Variants in BRWD3 observed in about 807,000 individuals in gnomAD.
BRWD3 encodes the protein bromodomain and WD repeat-containing protein 3.
In BRWD3, 10 loss-of-function variants were observed where a neutral mutation model predicts 149.7. The observed-to-expected ratio is 0.07, with a 90% confidence interval of 0.04 to 0.11. The LOEUF (loss-of-function observed/expected upper bound fraction) is 0.11. Ranked by LOEUF, BRWD3 falls within the 10% of genes least tolerant of loss-of-function variation. The probability of loss-of-function intolerance (pLI) is 1.00; values close to 1 mark genes in which losing one functional copy is unlikely to be tolerated. For synonymous variants in BRWD3, 504 were observed against 456.7 expected, an observed-to-expected ratio of 1.10 and a Z score of -1.32; for missense variants, 940 against 1,373.2, an observed-to-expected ratio of 0.68 and a Z score of 4.99.
At chrX:80,772,125 C>T (rs180992230) in intron 6 of BRWD3, among the ~76,000 whole-genome samples, 21 of 111,801 alleles carry the variant, frequency 1.9e-4, no homozygotes, top group African/African-American at 4.9e-4. Flanking sequence ...TGGGTATATA[C>T]GCAAAGGATT....
intron 36 of BRWD3, 30 bp from the exon 37 acceptor site, chrX:80,684,192 G>A: frequency 3.5e-6 from 4 of 1,149,235 alleles, no homozygotes; most frequent in Non-Finnish European, 4.8e-6. Context: ...ATTAAATACT[G>A]TATAGCAATA....
In BRWD3 at chrX:80,761,691, A is replaced by G. The variant is rs925820659; in HGVS notation, c.431-15962T>C. On this transcript the variant is annotated intron_variant, in intron 6 of 40. Coordinates refer to ENST00000373275, the MANE Select transcript of BRWD3 (RefSeq NM_153252.5). ...TAAGGTTTAATATTTTACATATTTA[A>G]TTAGAATAAATTTGAATTAGATTTC... Among the ~76,000 whole-genome samples the G allele has an allele frequency of 4.5e-5, 5 of 111,950 alleles. No individual in the cohort carries two copies. The East Asian group carries it at 1.4e-3, about 31-fold the overall frequency.
chrX:80,703,780 C>T (rs185034080), intron 23 of BRWD3, among the ~76,000 whole-genome samples, 187 bp from the exon 24 acceptor site: 154 of 111,566 alleles, frequency 1.4e-3, no homozygotes, highest in Non-Finnish European at 2.5e-3. Flanking sequence ...AATAAAAAAT[C>T]ACTTTACTAA....
chrX:80,767,961 A>C (rs2073886000), intron 6 of BRWD3, among the ~76,000 whole-genome samples: 1 of 111,965 alleles, frequency 8.9e-6, no homozygotes, highest in South Asian at 3.8e-4. Flanking sequence ...GATTCGATCA[A>C]TTGGAAGGAA....
intron 4 of BRWD3, 78 bp downstream of exon 4, chrX:80,808,461 G>A: frequency 3.7e-6 from 3 of 805,948 alleles, no homozygotes; most frequent in Non-Finnish European, 5.6e-6. Context: ...GCTGAGAGGT[G>A]GGGGGCGGGT....
At chrX:80,734,544 C>T (rs943061719) in intron 10 of BRWD3, among the ~76,000 whole-genome samples, 6 of 111,095 alleles carry the variant, frequency 5.4e-5, no homozygotes, top group Non-Finnish European at 1.1e-4. Flanking sequence ...ATTCTCTTTA[C>T]TGTGGTTATA....
At chrX:80,720,011 C>G (rs1337096881) in intron 17 of BRWD3, among the ~76,000 whole-genome samples, 1 of 111,759 alleles carries the variant, frequency 8.9e-6, no homozygotes, top group Non-Finnish European at 1.9e-5. Context: ...ATAGCCTTCA[C>G]AGTGCAATGC....
rs745346681 is a variant in BRWD3, at chrX:80,674,137, GACTA to G, written c.*2468_*2471del. 1.6e-4 allele frequency: 18 copies of G among 111,501 alleles called. No homozygotes were observed. The East Asian group carries it at 1.7e-3, about 10-fold the overall frequency. The allele number at this position is 111,501 out of a possible 1,213,427, so 9.2% of individuals were successfully genotyped here. A position where few individuals can be genotyped will look rare whatever the true frequency, so the allele number is the denominator to read the frequency against. ...CTATGTTTATCTAACATACCCTGAT[GACTA>G]ACTCTTTAAATCTTAATAACTGAAA... On this transcript the variant is annotated 3_prime_UTR_variant, in exon 41 of 41. Transcript: ENST00000373275.
chrX:80,751,551 A>AT (rs925298988), intron 6 of BRWD3, among the ~76,000 whole-genome samples: 4 of 112,007 alleles, frequency 3.6e-5, no homozygotes, highest in Non-Finnish European at 5.6e-5. Flanking sequence ...AGCAAAATAC[A>AT]TTTTTTTAAA....
Position 80,682,091 on chromosome X carries a change from T to A in BRWD3, c.4401A>T (p.Pro1467=). ...SSLSSSGAPS[P]KGKQKQMKLQ... ...ACTTCATTTGTTTCTGCTTCCCTTT[T>A]GGACTAGAAGTAAAAATATGTAACA... is the stretch of plus-strand genomic sequence containing the variant. Residue 1467 remains proline, a synonymous_variant, in exon 39 of 41, where the codon CCA becomes CCT. Transcript: ENST00000373275. 8.3e-7 allele frequency: 1 copy of A among 1,201,019 alleles called. No homozygotes were observed. Among genetic ancestry groups the A allele is most frequent in the East Asian group, 3.0e-5 (1 of 33,698 alleles).
Position 80,682,080 on chromosome X carries a change from T to C in BRWD3, c.4412A>G (p.Gln1471Arg), listed in dbSNP as rs1030940781. 1 of 1,205,459 alleles carries C rather than the reference T, an allele frequency of 8.3e-7. No homozygotes were observed. The highest frequency in any genetic ancestry group is 3.0e-5 in the East Asian group (1 of 33,651). ...TTTAGGCTGCAACTTCATTTGTTTC[T>C]GCTTCCCTTTTGGACTAGAAGTAAA... ...SSGAPSPKGK[Q>R]KQMKLQPKND... is the part of the protein sequence containing the mutation. The change falls in exon 39 of 41, where the codon CAG becomes CGG. Residue 1471 changes from glutamine (Q) to arginine (R), a missense_variant. Transcript: ENST00000373275.
At chrX:80,734,010 C>T in intron 11 of BRWD3, 108 bp downstream of exon 11, 2 of 591,743 alleles carry the variant, frequency 3.4e-6, no homozygotes, top group Non-Finnish European at 5.8e-6. Flanking sequence ...AAGTGTAAGC[C>T]AAAATTTGTG....
intron 6 of BRWD3, among the ~76,000 whole-genome samples, chrX:80,748,233 T>G (rs1413667638): frequency 9.0e-6 from 1 of 111,350 alleles, no homozygotes; most frequent in Non-Finnish European, 1.9e-5. Flanking sequence ...TCTATTGAAA[T>G]GATCACACAG....
Position 80,671,718 on chromosome X carries a change from T to C in BRWD3, c.*4891A>G, listed in dbSNP as rs2072324590. 1 of 112,095 alleles carries C rather than the reference T, an allele frequency of 8.9e-6. No individual in the cohort carries two copies. Among genetic ancestry groups the C allele is most frequent in the Non-Finnish European group, 1.9e-5 (1 of 53,205 alleles). 9.2% of individuals were successfully genotyped at this position (112,095 alleles called of 1,213,427 possible). On this transcript the variant is annotated 3_prime_UTR_variant, in exon 41 of 41. Coordinates refer to ENST00000373275, the MANE Select transcript of BRWD3 (RefSeq NM_153252.5). ...TTACCTTTTTTACTGAATTTTAGTT[T>C]AACGGACATTTTGCCCATATACAAT...
At chrX:80,755,990 T>C (rs1208295961) in intron 6 of BRWD3, among the ~76,000 whole-genome samples, 2 of 111,998 alleles carry the variant, frequency 1.8e-5, no homozygotes, top group Non-Finnish European at 3.8e-5. Flanking sequence ...TTTCACTTAA[T>C]ACTTTTCAAA....
chrX:80,772,672 A>G lies in BRWD3; in HGVS notation c.430+19182T>C, dbSNP rs750741848. 2.7e-5 allele frequency among the ~76,000 whole-genome samples: 3 copies of G among 111,771 alleles called. No homozygotes were observed. The South Asian group carries it at 1.1e-3, about 42-fold the overall frequency. On this transcript the variant is annotated intron_variant, in intron 6 of 40. Coordinates refer to ENST00000373275, the MANE Select transcript of BRWD3 (RefSeq NM_153252.5). ...TAATTAAGAACAGAAATTAATAATA[A>G]AACTCTAAGAAACAAAAAAAGCCAC...
chrX:80,704,766 G>A lies in BRWD3; in HGVS notation c.2633C>T (p.Thr878Ile), dbSNP rs2147716604. 8.3e-7 allele frequency: 1 copy of A among 1,210,803 alleles called. No homozygotes were observed. The highest frequency in any genetic ancestry group is 1.1e-6 in the Non-Finnish European group (1 of 894,689). Reference sequence around the variant, plus strand: ...AGAGCTGCTGCATATTTTACGTGTTGTCTGTCTGGTTTGTCTTTTTGGGGG... The same window carrying A: ...AGAGCTGCTGCATATTTTACGTGTTATCTGTCTGGTTTGTCTTTTTGGGGG... ...LQPPKRQTRQTTRKICSSSDE... is the reference protein window; with the variant it reads ...LQPPKRQTRQITRKICSSSDE... Residue 878 changes from threonine to isoleucine, a missense_variant, in exon 23 of 41, where the codon ACA (threonine) becomes ATA (isoleucine). Coordinates refer to ENST00000373275, the MANE Select transcript of BRWD3 (RefSeq NM_153252.5).
rs1245242272 is a variant in BRWD3 at position 80,693,106 on chromosome X, C to G, written c.3152-55G>C. 8.4e-6 allele frequency: 8 copies of G among 948,025 alleles called. No homozygotes were observed. In the African/African-American group the frequency reaches 1.1e-4, roughly 14 times the overall value. The allele number at this position is 948,025 out of a possible 1,213,427, so 78.1% of individuals were successfully genotyped here. A position where few individuals can be genotyped will look rare whatever the true frequency, so the allele number is the denominator to read the frequency against. ...GCTCTTGAGAATATTAGCTCTGTTC[C>G]CACTCTAAATTACTACTTTTTGTTG... On this transcript the variant is annotated intron_variant, in intron 27 of 40. Transcript: ENST00000373275.
rs770683858 is a variant in BRWD3 at position 80,710,390 on chromosome X, C to G, written c.2326-813G>C. The G allele has an allele frequency of 3.3e-5, 11 of 335,139 alleles. No homozygotes were observed. In the South Asian group the frequency reaches 3.7e-4, roughly 11 times the overall value. The allele number at this position is 335,139 out of a possible 1,213,427, so 27.6% of individuals were successfully genotyped here. On this transcript the variant is annotated intron_variant, in intron 20 of 40. Transcript: ENST00000373275. ...GCTGACTATTTTGACTACAGAGCTACGTCCACTGGGGCCCATTCTCAGTCA... is the reference window on the plus strand; with the variant it reads ...GCTGACTATTTTGACTACAGAGCTAGGTCCACTGGGGCCCATTCTCAGTCA...
Sources: allele counts gnomAD v4.1 joint callset (sites outside exome capture counted in the v4.1 genomes callset), GRCh38; gene constraint gnomAD v4.1.1; transcripts MANE v1.5; gene names NCBI Gene and HGNC (gene_info 2026-07-23, HGNC 2026-07-21).